Variants in EVL observed in about 807,000 individuals in gnomAD.
EVL encodes Enah/Vasp-like.
EVL carries 21 observed loss-of-function variants against 59.6 expected under a neutral mutation model. That is an observed-to-expected ratio of 0.35 (90% CI 0.25 to 0.51). EVL has a LOEUF of 0.51. EVL is among the 20% of genes least tolerant of loss of function. The pLI is 0.97. For missense variants in EVL, 462 were observed against 546.6 expected (o/e 0.85, Z 1.54); for synonymous variants, 198 against 203.5 (o/e 0.97, Z 0.23).
At chr14:100,002,028 A>G (rs1160732664) in intron 1 of EVL, among the ~76,000 whole-genome samples, 1 of 152,244 alleles carries the variant, frequency 6.6e-6, no homozygotes, top group Non-Finnish European at 1.5e-5. Flanking sequence ...AATTTTGTTC[A>G]TAGGAGTATA....
chr14:100,100,784 C>CAAA (rs60820079), intron 3 of EVL, among the ~76,000 whole-genome samples: 7 of 47,648 alleles, frequency 1.5e-4, no homozygotes, highest in Non-Finnish European at 3.1e-4. Flanking sequence ...GAGTCTGTCT[C>CAAA]AAAAAAAAAA....
At chr14:100,110,552 TGAG>T (rs917696860) in intron 3 of EVL, among the ~76,000 whole-genome samples, 4 of 151,756 alleles carry the variant, frequency 2.6e-5, no homozygotes, top group African/African-American at 4.8e-5. Context: ...GGGGATCTGA[TGAG>T]GAGGAGGACG....
intron 1 of EVL, among the ~76,000 whole-genome samples, chr14:100,014,940 G>C (rs1277798606): frequency 6.6e-6 from 1 of 152,220 alleles, no homozygotes; most frequent in Non-Finnish European, 1.5e-5. Context: ...GATCATAGCT[G>C]ACTTCCATTT....
Position 100,136,100 on chromosome 14 carries a change from C to G in EVL, c.964+132C>G, listed in dbSNP as rs191764522. On this transcript the variant is annotated intron_variant, in intron 9 of 13. Coordinates refer to ENST00000392920, the MANE Select transcript of EVL (RefSeq NM_016337.3). ...CAGAGGGCCAGGCCACAGGGAAGCCCATTTCTTATGGGTCCCCCAGAGCCT... is the reference window on the plus strand; with the variant it reads ...CAGAGGGCCAGGCCACAGGGAAGCCGATTTCTTATGGGTCCCCCAGAGCCT... 2,509 of 1,025,646 alleles carry G rather than the reference C, an allele frequency of 2.4e-3. 6 individuals are homozygous for G. Among genetic ancestry groups the G allele is most frequent in the Non-Finnish European group, 2.9e-3 (1,994 of 687,902 alleles). The allele number at this position is 1,025,646 out of a possible 1,614,324, so 63.5% of individuals were successfully genotyped here.
chr14:100,004,230 A>G (rs2140187142), intron 1 of EVL, among the ~76,000 whole-genome samples: 1 of 152,278 alleles, frequency 6.6e-6, no homozygotes, highest in East Asian at 1.9e-4. Flanking sequence ...CCAACCAACA[A>G]ACAAATGTTA....
chr14:100,005,833 G>C (rs1025890114), intron 1 of EVL, among the ~76,000 whole-genome samples: 6 of 152,056 alleles, frequency 3.9e-5, no homozygotes, highest in African/African-American at 1.4e-4. Context: ...CCAAACCCAG[G>C]CTGTCCCGGT....
At position 100,050,340 on chromosome 14, in the gene EVL, CATTT is replaced by C. The variant is rs150902123; in HGVS notation, c.6-34326_6-34323del. ...TGCTTTTTTAAAAATTTGTGTATTT[CATTT>C]ATTTATTTATTTATTTATTTTTTTT... On this transcript the variant is annotated intron_variant, in intron 1 of 13. Coordinates refer to the EVL transcript ENST00000402714. 1.8e-3 allele frequency among the ~76,000 whole-genome samples: 258 copies of C among 146,086 alleles called. 4 individuals are homozygous for C. Among genetic ancestry groups the C allele is most frequent in the Admixed American group, 0.011 (169 of 14,746 alleles).
Position 100,129,673 on chromosome 14 carries a change from G to C in EVL, c.828G>C (p.Leu276=). The C allele has an allele frequency of 6.3e-7, 1 of 1,577,894 alleles. No homozygotes were observed. Among genetic ancestry groups the C allele is most frequent in the South Asian group, 1.2e-5 (1 of 86,686 alleles). The part of the protein sequence containing the change: ...GGGLMEEMNK[L]LAKRRKAASQ... Reference sequence around the variant, plus strand: ...GCCTCATGGAGGAAATGAACAAACTGCTGGCCAAGAGGTGGGTCTCTACAC... The same window carrying C: ...GCCTCATGGAGGAAATGAACAAACTCCTGGCCAAGAGGTGGGTCTCTACAC... The change falls in exon 7 of 14, where the codon CTG becomes CTC. Residue 276 remains leucine (L), a synonymous_variant. Transcript: ENST00000392920.
intron 4 of EVL, 76 bp from the exon 5 acceptor site, chr14:100,126,631 G>A (rs1041110271): frequency 1.9e-5 from 28 of 1,508,124 alleles, no homozygotes; most frequent in African/African-American, 4.1e-5. Context: ...CGGGGCCGGC[G>A]GGTACAGCAC....
At position 100,135,954 on chromosome 14, in the gene EVL, C is replaced by T; in HGVS notation, c.950C>T (p.Pro317Leu). 1 of 1,613,802 alleles carries T rather than the reference C, an allele frequency of 6.2e-7. No individual in the cohort carries two copies. The highest frequency in any genetic ancestry group is 8.5e-7 in the Non-Finnish European group (1 of 1,180,014). ...PSPGTRAASQPPNSSEAGRKP... is the reference protein window; with the variant it reads ...PSPGTRAASQLPNSSEAGRKP... ...CCGGGGACCCGAGCAGCCAGCCAGCCACCTAACTCCTCAGGTGAGAGGGCG... is the reference window on the plus strand; with the variant it reads ...CCGGGGACCCGAGCAGCCAGCCAGCTACCTAACTCCTCAGGTGAGAGGGCG... Residue 317 changes from proline (P) to leucine (L), a missense_variant, in exon 9 of 14, where the codon CCA becomes CTA. Pro to Leu is a moderately conservative substitution (Grantham distance 98). Transcript: ENST00000392920.
rs781511897 is a variant in EVL, at chr14:100,114,815, G to A, written c.359-8724G>A. Among the ~76,000 whole-genome samples, 2 of 152,124 alleles carry A rather than the reference G, an allele frequency of 1.3e-5. No individual in the cohort carries two copies. The highest frequency in any genetic ancestry group is 2.9e-5 in the Non-Finnish European group (2 of 68,012). Reference sequence around the variant, plus strand: ...CTCCGGGGGTGGGGGTGGGAGTGCTGGATCTTGGGGCGAGTATCTGCCACT... The same window carrying A: ...CTCCGGGGGTGGGGGTGGGAGTGCTAGATCTTGGGGCGAGTATCTGCCACT... On this transcript the variant is annotated intron_variant, in intron 3 of 13. Coordinates refer to ENST00000392920, the MANE Select transcript of EVL (RefSeq NM_016337.3). This position sits in a 1 kb window ranked among gnomAD's most constrained non-coding sequence, Gnocchi z 5.0.
intron 1 of EVL, among the ~76,000 whole-genome samples, chr14:100,025,691 G>A (rs2140209121): frequency 6.6e-6 from 1 of 152,304 alleles, no homozygotes; most frequent in African/African-American, 2.4e-5. Context: ...ACTTTGGGAG[G>A]CAGAGGCGGG....
At chr14:99,982,590 A>G (rs370381736) in intron 1 of EVL, among the ~76,000 whole-genome samples, 7 of 152,068 alleles carry the variant, frequency 4.6e-5, no homozygotes, top group African/African-American at 1.4e-4. Flanking sequence ...GAGCGGGGGG[A>G]AAAAATACTG....
At chr14:100,043,548 G>A (rs528525098) in intron 1 of EVL, among the ~76,000 whole-genome samples, 158 of 151,798 alleles carry the variant, frequency 1.0e-3, no homozygotes, top group African/African-American at 3.5e-3. Flanking sequence ...ATGTCCCAGG[G>A]GCAGGAGAAG....
intron 1 of EVL, among the ~76,000 whole-genome samples, chr14:100,081,857 T>C (rs577915901): frequency 7.4e-4 from 113 of 152,358 alleles, no homozygotes; most frequent in African/African-American, 2.4e-3. Context: ...CCCAGCACTT[T>C]GGGAGTCCAA....
intron 1 of EVL, among the ~76,000 whole-genome samples, chr14:100,055,456 A>G (rs540211651): frequency 2.6e-5 from 4 of 152,188 alleles, no homozygotes; most frequent in East Asian, 1.9e-4. Context: ...TAGAATATAT[A>G]CAGTAACATT....
chr14:100,047,110 CTCTCTCTCTTT>C (rs1385348967), intron 1 of EVL, among the ~76,000 whole-genome samples: 4 of 21,548 alleles, frequency 1.9e-4, no homozygotes, highest in African/African-American at 5.4e-4. Context: ...TTGGGCAGAT[CTCTCTCTCTTT>C]TTTTTTTTTT....
chr14:100,053,379 C>G (rs1473509256), intron 1 of EVL, among the ~76,000 whole-genome samples: 1 of 152,060 alleles, frequency 6.6e-6, no homozygotes, highest in East Asian at 1.9e-4. Flanking sequence ...ATGGCTACTC[C>G]TCCCTTAGTG....
chr14:100,017,884 C>G (rs1042781063), intron 1 of EVL, among the ~76,000 whole-genome samples: 2 of 152,206 alleles, frequency 1.3e-5, no homozygotes, highest in Admixed American at 1.3e-4. Flanking sequence ...CACTGCATTT[C>G]TTTGAGTCAA....
Sources: allele counts gnomAD v4.1 joint callset (sites outside exome capture counted in the v4.1 genomes callset), GRCh38; gene constraint gnomAD v4.1.1; non-coding constraint Gnocchi (gnomAD v3.1); transcripts MANE v1.5; gene names NCBI Gene and HGNC (gene_info 2026-07-23, HGNC 2026-07-21).